PLCB4: variants seen among roughly 807,000 people sequenced by gnomAD.
PLCB4 encodes the protein phospholipase C beta 4.
PLCB4 carries 77 observed loss-of-function variants against 178.8 expected under a neutral mutation model. The observed-to-expected ratio is 0.43, with a 90% CI of 0.36 to 0.52. PLCB4 has a LOEUF of 0.52. Among genes scored for constraint, PLCB4 ranks in the 20% least tolerant of loss-of-function variants. The probability of loss-of-function intolerance (pLI) is 0.00; values close to 1 mark genes in which losing one functional copy is unlikely to be tolerated. For synonymous variants in PLCB4, 496 were observed against 490.8 expected (o/e 1.01, Z -0.14); for missense variants, 1,024 against 1,453.4 (o/e 0.70, Z 4.80).
intron 7 of PLCB4, among the ~76,000 whole-genome samples, chr20:9,341,856 T>C (rs1416236536): frequency 6.6e-6 from 1 of 152,150 alleles, no homozygotes; most frequent in Non-Finnish European, 1.5e-5. Context: ...TAAAAAATAA[T>C]TCTGTATTGG....
At chr20:9,293,691 A>C (rs1480040071) in intron 3 of PLCB4, among the ~76,000 whole-genome samples, 1 of 152,124 alleles carries the variant, frequency 6.6e-6, no homozygotes, top group Non-Finnish European at 1.5e-5. Context: ...GTAGCAAGCA[A>C]GGCCCCAGCC....
chr20:9,356,462 T>C (rs551278176), intron 7 of PLCB4, among the ~76,000 whole-genome samples: 42 of 152,342 alleles, frequency 2.8e-4, no homozygotes, highest in African/African-American at 1.0e-3. Flanking sequence ...ATTTCTAGCT[T>C]AAGATGAAGG....
intron 3 of PLCB4, among the ~76,000 whole-genome samples, chr20:9,256,239 T>C (rs148627918): frequency 6.6e-6 from 1 of 152,270 alleles, no homozygotes; most frequent in East Asian, 1.9e-4. Flanking sequence ...CCAGAGCTGG[T>C]TCAAGAGCTA....
chr20:9,108,471 CAAAGA>C (rs1190883059), intron 2 of PLCB4, among the ~76,000 whole-genome samples: 4 of 151,988 alleles, frequency 2.6e-5, no homozygotes, highest in Admixed American at 6.6e-5. Context: ...GAGGGGCTGT[CAAAGA>C]AGATGAGGAC....
At chr20:9,199,432 C>G (rs546041532) in intron 2 of PLCB4, among the ~76,000 whole-genome samples, 2 of 152,250 alleles carry the variant, frequency 1.3e-5, no homozygotes, top group East Asian at 3.9e-4. Context: ...AAGGACGGTA[C>G]GTTGAGTATT....
chr20:9,173,449 T>A (rs1421789601), intron 2 of PLCB4, among the ~76,000 whole-genome samples: 1 of 152,194 alleles, frequency 6.6e-6, no homozygotes, highest in African/African-American at 2.4e-5. Context: ...TAGTTTCCTG[T>A]TGTTGCTGCT....
intron 2 of PLCB4, among the ~76,000 whole-genome samples, chr20:9,201,160 T>C (rs2093539454): frequency 6.6e-6 from 1 of 152,192 alleles, no homozygotes; most frequent in African/African-American, 2.4e-5. Flanking sequence ...TATAATCAGA[T>C]CATTATTATG....
chr20:9,232,100 A>G (rs1248203126), intron 3 of PLCB4, among the ~76,000 whole-genome samples: 6 of 152,276 alleles, frequency 3.9e-5, no homozygotes, highest in South Asian at 2.1e-4. Context: ...TAGAAAAGGC[A>G]GATCTAATCC....
chr20:9,469,778 C>G (rs1445752524), intron 36 of PLCB4, among the ~76,000 whole-genome samples: 1 of 152,186 alleles, frequency 6.6e-6, no homozygotes, highest in African/African-American at 2.4e-5. Context: ...AGTGCAAGCC[C>G]TTTAGACACA....
chr20:9,074,791 C>CT (rs10627363), intron 1 of PLCB4, among the ~76,000 whole-genome samples: 20 of 64,410 alleles, frequency 3.1e-4, no homozygotes, highest in South Asian at 5.4e-4. Flanking sequence ...CCCAGCTAGG[C>CT]TTTTTTTTTT....
intron 2 of PLCB4, among the ~76,000 whole-genome samples, chr20:9,107,920 G>A (rs1230804697): frequency 2.6e-5 from 4 of 152,096 alleles, no homozygotes; most frequent in African/African-American, 2.4e-5. Flanking sequence ...GTTTGAAGAG[G>A]TGAGATTCTC....
chr20:9,295,565 G>A (rs1049624688), intron 3 of PLCB4, among the ~76,000 whole-genome samples: 1 of 152,054 alleles, frequency 6.6e-6, no homozygotes, highest in African/African-American at 2.4e-5. Context: ...TATTTCAGAG[G>A]CATAAAAGAT....
intron 33 of PLCB4, among the ~76,000 whole-genome samples, chr20:9,456,968 G>A (rs1602951150): frequency 6.6e-6 from 1 of 152,124 alleles, no homozygotes; most frequent in East Asian, 1.9e-4. Context: ...TTGCCCTGTG[G>A]TGCCAAGGAT....
At chr20:9,209,853 A>G (rs1358925100) in intron 2 of PLCB4, among the ~76,000 whole-genome samples, 1 of 150,566 alleles carries the variant, frequency 6.6e-6, no homozygotes, top group Non-Finnish European at 1.5e-5. Context: ...AGTCCCAGTT[A>G]CTCGGGAAGC....
intron 25 of PLCB4, among the ~76,000 whole-genome samples, chr20:9,415,583 A>G (rs1011977039): frequency 6.6e-6 from 1 of 152,160 alleles, no homozygotes; most frequent in African/African-American, 2.4e-5. Flanking sequence ...TACACAGTCC[A>G]CAGAAAATCC....
chr20:9,475,316 C>T (rs2044470212), intron 38 of PLCB4, among the ~76,000 whole-genome samples: 1 of 152,066 alleles, frequency 6.6e-6, no homozygotes. Flanking sequence ...GCTTTGGAGC[C>T]GAAGTACATA....
chr20:9,109,130 A>G (rs1394216823), intron 2 of PLCB4, among the ~76,000 whole-genome samples: 2 of 152,222 alleles, frequency 1.3e-5, no homozygotes, highest in Non-Finnish European at 2.9e-5. Flanking sequence ...CTTAAACAAT[A>G]TAGCACGATC....
chr20:9,280,932 C>T (rs1271719980), intron 3 of PLCB4, among the ~76,000 whole-genome samples: 1 of 131,082 alleles, frequency 7.6e-6, no homozygotes. Flanking sequence ...TAGCTTAGGG[C>T]AAAGAAACAT....
chr20:9,424,089 T>C, intron 28 of PLCB4, 137 bp downstream of exon 28: 1 of 629,870 alleles, frequency 1.6e-6, no homozygotes, highest in Non-Finnish European at 2.8e-6. Context: ...CTGATTACCT[T>C]GAATACATCA....
Sources: allele counts gnomAD v4.1 joint callset (sites outside exome capture counted in the v4.1 genomes callset), GRCh38; gene constraint gnomAD v4.1.1; transcripts MANE v1.5; gene names NCBI Gene and HGNC (gene_info 2026-07-23, HGNC 2026-07-21).